SLC45A4: variants seen among roughly 807,000 people sequenced by gnomAD.
SLC45A4 encodes solute carrier family 45 member 4, also known as polyamine-transporter SLC45A4.
In SLC45A4, 32 loss-of-function variants were observed where a neutral mutation model predicts 63.7. The ratio of observed to expected loss-of-function variants is 0.50; its 90% confidence interval spans 0.38 to 0.67. The LOEUF (loss-of-function observed/expected upper bound fraction) is 0.67, where lower values mean the gene tolerates loss of function less well. SLC45A4 is among the 30% of genes least tolerant of loss of function. The probability of loss-of-function intolerance (pLI) is 0.00; values close to 1 mark genes in which losing one functional copy is unlikely to be tolerated. For missense variants in SLC45A4, 1,027 were observed against 1,157.7 expected (o/e 0.89, Z 1.64); for synonymous variants, 535 against 510.0 (o/e 1.05, Z -0.66).
intron 1 of SLC45A4, among the ~76,000 whole-genome samples, chr8:141,295,757 T>C (rs539577285): frequency 1.3e-5 from 2 of 152,340 alleles, no homozygotes; most frequent in African/African-American, 4.8e-5. Flanking sequence ...CTGGGAAGGT[T>C]ACCCTGGTTG....
At position 141,219,802 on chromosome 8, in the gene SLC45A4, C is replaced by T. The variant is rs568231863; in HGVS notation, c.458G>A (p.Arg153Gln). Reference protein sequence around the residue: ...IGLALGDVPNRQPIGIVLTVL... With the variant: ...IGLALGDVPNQQPIGIVLTVL... Reference sequence around the variant, plus strand: ...CGTGAGCACGATGCCAATGGGCTGCCGGTTGGGGACATCGCCGAGGGCCAG... The same window carrying T: ...CGTGAGCACGATGCCAATGGGCTGCTGGTTGGGGACATCGCCGAGGGCCAG... The change falls in exon 4 of 9, where the codon CGG (arginine) becomes CAG (glutamine). Residue 153 changes from arginine to glutamine, a missense_variant. By Grantham distance (43) the Arg-to-Gln change is conservative. Transcript: ENST00000517878. 1.8e-5 allele frequency: 28 copies of T among 1,590,394 alleles called. No individual in the cohort carries two copies. The African/African-American group carries it at 2.8e-4, about 16-fold the overall frequency.
intron 2 of SLC45A4, among the ~76,000 whole-genome samples, chr8:141,238,332 G>T (rs112077657): frequency 6.6e-6 from 1 of 151,918 alleles, no homozygotes; most frequent in African/African-American, 2.4e-5. Flanking sequence ...ACACAACATC[G>T]AATTGACCTT....
intron 1 of SLC45A4, among the ~76,000 whole-genome samples, chr8:141,285,838 G>A (rs1476396000): frequency 6.6e-6 from 1 of 152,190 alleles, no homozygotes; most frequent in Non-Finnish European, 1.5e-5. Flanking sequence ...CTAAAGATGT[G>A]AGATCGTGAG....
chr8:141,300,813 C>G (rs1242451652), intron 1 of SLC45A4, among the ~76,000 whole-genome samples: 3 of 152,266 alleles, frequency 2.0e-5, no homozygotes, highest in African/African-American at 7.2e-5. Context: ...CGTGCTTACT[C>G]GTGAAATGGT....
rs183802064 is a variant in SLC45A4, at chr8:141,266,262, G to C, written c.-400-11633C>G. Among the ~76,000 whole-genome samples, 1,073 of 152,298 alleles carry C rather than the reference G, an allele frequency of 7.0e-3. 15 individuals are homozygous for C. Among genetic ancestry groups the C allele is most frequent in the African/African-American group, 0.025 (1,040 of 41,560 alleles). On this transcript the variant is annotated intron_variant, in intron 1 of 8. Transcript: ENST00000517878. ...ACACACGAAGCGCATGTACACGCACGCATGGGCCTGACACCATGGGCTGCA... is the reference window on the plus strand; with the variant it reads ...ACACACGAAGCGCATGTACACGCACCCATGGGCCTGACACCATGGGCTGCA...
chr8:141,254,536 A>G lies in SLC45A4; in HGVS notation c.-307T>C, dbSNP rs1828673988. The G allele has an allele frequency of 1.0e-5, 7 of 702,206 alleles. No homozygotes were observed. Among genetic ancestry groups the G allele is most frequent in the Middle Eastern group, 2.3e-4 (1 of 4,368 alleles). The allele number at this position is 702,206 out of a possible 1,614,324, so 43.5% of individuals were successfully genotyped here. ...ATACCAGTTTCATCATTATTACTGAAGAGGTGCTGAAGTGATTTTTCTTGC... is the reference window on the plus strand; with the variant it reads ...ATACCAGTTTCATCATTATTACTGAGGAGGTGCTGAAGTGATTTTTCTTGC... On this transcript the variant is annotated 5_prime_UTR_variant, in exon 2 of 9. Coordinates refer to ENST00000517878, the MANE Select transcript of SLC45A4 (RefSeq NM_001286646.2). The surrounding 1 kb of genome is among the most constrained non-coding windows in gnomAD (Gnocchi z 4.5).
rs886393483 is a variant in SLC45A4, at chr8:141,208,857, T to G, written c.*2715A>C. ...GAAGCTCGTTAAAAGAGTCTTTACTTAGCTGACTTGTATAGGGAACAAAAC... is the reference window on the plus strand; with the variant it reads ...GAAGCTCGTTAAAAGAGTCTTTACTGAGCTGACTTGTATAGGGAACAAAAC... On this transcript the variant is annotated 3_prime_UTR_variant, in exon 9 of 9. Transcript: ENST00000517878. 6.6e-6 allele frequency: 1 copy of G among 152,274 alleles called. No homozygotes were observed. The highest frequency in any genetic ancestry group is 2.4e-5 in the African/African-American group (1 of 41,456). 9.4% of individuals were successfully genotyped at this position (152,274 alleles called of 1,614,324 possible).
intron 2 of SLC45A4, among the ~76,000 whole-genome samples, chr8:141,248,266 T>C (rs1361896861): frequency 6.6e-6 from 1 of 152,214 alleles, no homozygotes; most frequent in African/African-American, 2.4e-5. Context: ...TTCTGAAAGA[T>C]ACCATTAGGA....
rs763910561 is a variant in SLC45A4, at chr8:141,218,250, G to A, written c.1390C>T (p.Arg464Trp). The change falls in exon 5 of 9, where the codon CGG becomes TGG. Residue 464 changes from arginine to tryptophan, a missense_variant. By Grantham distance (101) the Arg-to-Trp change is moderately radical (BLOSUM62 -3). Transcript: ENST00000517878. ...SMSDLYDMQK[R>W]QRQHRHRNQS... is the part of the protein sequence containing the mutation. ...TTCCGGTGCCGGTGCTGCCGCTGCC[G>A]CTTCTGCATGTCGTACAGGTCGCTC... 3.7e-6 allele frequency: 6 copies of A among 1,602,102 alleles called. No individual in the cohort carries two copies. The highest frequency in any genetic ancestry group is 1.6e-4 in the Middle Eastern group (1 of 6,082).
intron 1 of SLC45A4, among the ~76,000 whole-genome samples, chr8:141,279,874 A>C (rs1829869612): frequency 6.6e-6 from 1 of 152,268 alleles, no homozygotes; most frequent in African/African-American, 2.4e-5. Flanking sequence ...AGATTAATAA[A>C]GTTCCCCCCA....
Position 141,254,167 on chromosome 8 carries a change from G to A in SLC45A4, c.63C>T (p.Pro21=). The change falls in exon 2 of 9, where the codon CCC becomes CCT. Residue 21 remains proline (P), a synonymous_variant. Transcript: ENST00000517878. The surrounding 1 kb of genome is among the most constrained non-coding windows in gnomAD (Gnocchi z 4.5). ...CTCCGGCTTTCTGCGGGTCCGGCAG[G>A]GGCACGGATAACTCTTGAACTTGCA... is the stretch of plus-strand genomic sequence containing the variant. ...ESMQVQELSV[P]LPDPQKAGGA... is the part of the protein sequence containing the mutation. The A allele has an allele frequency of 6.5e-7, 1 of 1,536,132 alleles. No homozygotes were observed. Among genetic ancestry groups the A allele is most frequent in the Non-Finnish European group, 8.7e-7 (1 of 1,146,912 alleles).
intron 1 of SLC45A4, among the ~76,000 whole-genome samples, chr8:141,306,144 T>C (rs1312797720): frequency 6.6e-6 from 1 of 151,762 alleles, no homozygotes; most frequent in African/African-American, 2.4e-5. Flanking sequence ...GCAGCACGCA[T>C]CTCGGCAGGG....
At chr8:141,225,377 T>C (rs572864095) in intron 2 of SLC45A4, 1 of 152,244 alleles carries the variant, frequency 6.6e-6, no homozygotes, top group Non-Finnish European at 1.5e-5. Context: ...TGGAGTTAAC[T>C]ATCCAAGTTT....
intron 1 of SLC45A4, among the ~76,000 whole-genome samples, chr8:141,280,417 C>A (rs916159178): frequency 1.3e-5 from 2 of 152,232 alleles, no homozygotes; most frequent in Non-Finnish European, 2.9e-5. Context: ...AACAAAGGAG[C>A]ATTCAAGCTT....
chr8:141,283,189 C>T (rs887033505), intron 1 of SLC45A4, among the ~76,000 whole-genome samples: 27 of 152,258 alleles, frequency 1.8e-4, no homozygotes, highest in African/African-American at 6.0e-4. Flanking sequence ...AAGTCCTGAG[C>T]TAGATGCTAG....
intron 1 of SLC45A4, among the ~76,000 whole-genome samples, chr8:141,281,459 C>T (rs373254065): frequency 1.9e-4 from 29 of 152,344 alleles, no homozygotes; most frequent in Non-Finnish European, 3.4e-4. Context: ...GGGCAGGTGG[C>T]GACACAGCAC....
At position 141,211,061 on chromosome 8, in the gene SLC45A4, G is replaced by T. The variant is rs1406303581; in HGVS notation, c.*511C>A. On this transcript the variant is annotated 3_prime_UTR_variant, in exon 9 of 9. Transcript: ENST00000517878. Reference sequence around the variant, plus strand: ...GGTGAGCAGGCGAGGAAGGCATGGAGTTCCGACAGGTTCCAGCACGCATGT... The same window carrying T: ...GGTGAGCAGGCGAGGAAGGCATGGATTTCCGACAGGTTCCAGCACGCATGT... The T allele has an allele frequency of 5.7e-6, 1 of 175,874 alleles. No homozygotes were observed. Among genetic ancestry groups the T allele is most frequent in the Non-Finnish European group, 1.2e-5 (1 of 83,750 alleles). 10.9% of individuals were successfully genotyped at this position (175,874 alleles called of 1,614,324 possible). A position where few individuals can be genotyped will look rare whatever the true frequency, so the allele number is the denominator to read the frequency against.
intron 2 of SLC45A4, among the ~76,000 whole-genome samples, chr8:141,238,711 T>C (rs1827748961): frequency 1.3e-5 from 2 of 152,164 alleles, no homozygotes; most frequent in Admixed American, 6.5e-5. Context: ...CCTGCTCACT[T>C]TGTAACTCTG....
intron 3 of SLC45A4, 74 bp from the exon 4 acceptor site, chr8:141,219,903 AT>A (rs58594043): frequency 0.11 from 154,659 of 1,396,182 alleles, 10,193 homozygotes; most frequent in East Asian, 0.31. Flanking sequence ...AAACAGCCAC[AT>A]GGAAGGGGCA....
Sources: allele counts gnomAD v4.1 joint callset (sites outside exome capture counted in the v4.1 genomes callset), GRCh38; gene constraint gnomAD v4.1.1; non-coding constraint Gnocchi (gnomAD v3.1); transcripts MANE v1.5; gene names NCBI Gene and HGNC (gene_info 2026-07-23, HGNC 2026-07-21).